CDHR3: variants seen among roughly 807,000 people sequenced by gnomAD.
CDHR3 encodes cadherin-related family member 3.
In CDHR3, 79 loss-of-function variants were observed where a neutral mutation model predicts 86.6. The ratio of observed to expected loss-of-function variants is 0.91; its 90% confidence interval spans 0.76 to 1.10. The LOEUF (loss-of-function observed/expected upper bound fraction) is 1.10, where lower values mean the gene tolerates loss of function less well. Ranked by LOEUF, CDHR3 falls within the 50% of genes least tolerant of loss-of-function variation. The pLI is 0.00. For missense variants in CDHR3, 1,081 were observed against 1,077.6 expected, an observed-to-expected ratio of 1.00 and a Z score of -0.04; for synonymous variants, 421 against 402.4, an observed-to-expected ratio of 1.05 and a Z score of -0.55.
At chr7:106,012,046 G>T (rs1834890372) in intron 8 of CDHR3, among the ~76,000 whole-genome samples, 1 of 152,184 alleles carries the variant, frequency 6.6e-6, no homozygotes. Flanking sequence ...AACTCCTTCA[G>T]GCAGGACGTA....
At chr7:105,986,158 A>T (rs1260923954) in intron 4 of CDHR3, among the ~76,000 whole-genome samples, 3 of 152,028 alleles carry the variant, frequency 2.0e-5, no homozygotes, top group Non-Finnish European at 4.4e-5. Flanking sequence ...GAAAACAAAA[A>T]CTCTCTTGGA....
rs756611741 is a variant in CDHR3, at chr7:105,984,232, C to A, written c.456C>A (p.Phe152Leu). 1.9e-6 allele frequency: 3 copies of A among 1,611,068 alleles called. No individual in the cohort carries two copies. The highest frequency in any genetic ancestry group is 1.7e-6 in the Non-Finnish European group (2 of 1,177,944). Residue 152 changes from phenylalanine to leucine, a missense_variant, in exon 4 of 19, where the codon TTC becomes TTA. Transcript: ENST00000317716. The part of the protein sequence containing the change: ...LYIVERANPG[F>L]IYQVEAFDPE... ...TAGTAGAAAGAGCAAACCCTGGATT[C>A]ATTTACCAGGTTGAGGCCTTCGATC...
chr7:106,002,501 A>T (rs1254813142), intron 7 of CDHR3, among the ~76,000 whole-genome samples: 1 of 152,120 alleles, frequency 6.6e-6, no homozygotes, highest in Non-Finnish European at 1.5e-5. Flanking sequence ...TAGGTAGGTT[A>T]CCTCTGGAAT....
chr7:106,021,074 T>C (rs957874524), intron 13 of CDHR3, among the ~76,000 whole-genome samples: 2 of 152,148 alleles, frequency 1.3e-5, no homozygotes, highest in African/African-American at 2.4e-5. Flanking sequence ...TGGATAATAA[T>C]AGATTAAATA....
intron 6 of CDHR3, among the ~76,000 whole-genome samples, chr7:106,000,312 T>A (rs1350566143): frequency 1.3e-5 from 2 of 152,210 alleles, no homozygotes; most frequent in African/African-American, 4.8e-5. Context: ...GGAGGAGCTC[T>A]GGTAGGGAGG....
At chr7:106,009,446 C>T (rs1375728501) in intron 8 of CDHR3, among the ~76,000 whole-genome samples, 1 of 152,234 alleles carries the variant, frequency 6.6e-6, no homozygotes, top group Non-Finnish European at 1.5e-5. Flanking sequence ...AGCACGCAAG[C>T]AGGTCAAAAC....
intron 1 of CDHR3, among the ~76,000 whole-genome samples, chr7:105,965,015 A>G (rs2727754): frequency 0.26 from 40,030 of 152,028 alleles, 5,943 homozygotes; most frequent in East Asian, 0.68. Flanking sequence ...CCAATTTCTT[A>G]TACTGAACAC....
chr7:105,980,787 A>G (rs1829620909), intron 2 of CDHR3, among the ~76,000 whole-genome samples, 181 bp from the exon 3 acceptor site: 1 of 151,984 alleles, frequency 6.6e-6, no homozygotes, highest in Non-Finnish European at 1.5e-5. Flanking sequence ...CCTTTAGTGA[A>G]GTATCATAGG....
At position 106,001,326 on chromosome 7, in the gene CDHR3, T is replaced by G. The variant is rs553769897; in HGVS notation, c.714-136T>G. The G allele has an allele frequency of 2.2e-4, 189 of 849,390 alleles. No individual in the cohort carries two copies. The South Asian group carries it at 3.2e-3, about 14-fold the overall frequency. 52.6% of individuals were successfully genotyped at this position (849,390 alleles called of 1,614,324 possible). On this transcript the variant is annotated intron_variant, in intron 6 of 18. Coordinates refer to ENST00000317716, the MANE Select transcript of CDHR3 (RefSeq NM_152750.5). ...CAGCCACCCCTCCTTTCCACTGCTG[T>G]GCTCTCCCTCTGAGCATGTTGATGC... is the stretch of plus-strand genomic sequence containing the variant.
chr7:105,980,821 A>T lies in CDHR3; in HGVS notation c.250-147A>T, dbSNP rs536049756. On this transcript the variant is annotated intron_variant, in intron 2 of 18. Transcript: ENST00000317716. The stretch of plus-strand genomic sequence containing the variant: ...GGGCTTATGTTGGAAGGACTAAGGC[A>T]AAACAACTGGTTCCTCTGACAGTGA... 6.5e-4 allele frequency: 475 copies of T among 727,718 alleles called. 1 individual carries two copies. The highest frequency in any genetic ancestry group is 9.5e-4 in the Non-Finnish European group (414 of 436,524). The allele number at this position is 727,718 out of a possible 1,614,324, so 45.1% of individuals were successfully genotyped here. A position where few individuals can be genotyped will look rare whatever the true frequency, so the allele number is the denominator to read the frequency against.
intron 2 of CDHR3, among the ~76,000 whole-genome samples, chr7:105,979,149 G>T (rs1252899940): frequency 6.6e-6 from 1 of 152,154 alleles, no homozygotes; most frequent in African/African-American, 2.4e-5. Flanking sequence ...AACCCAAAAA[G>T]TAGGTGTTAT....
intron 1 of CDHR3, among the ~76,000 whole-genome samples, chr7:105,966,919 T>A (rs1368988244): frequency 6.6e-6 from 1 of 151,824 alleles, no homozygotes; most frequent in Non-Finnish European, 1.5e-5. Flanking sequence ...TCTTGGTTTT[T>A]GCCATTGAAA....
chr7:106,020,416 G>A lies in CDHR3; in HGVS notation c.1697G>A (p.Cys566Tyr), dbSNP rs1836383480. The change falls in exon 13 of 19, where the codon TGT becomes TAT. Residue 566 changes from cysteine (C) to tyrosine (Y), a missense_variant. Coordinates refer to ENST00000317716, the MANE Select transcript of CDHR3 (RefSeq NM_152750.5). ...GAAGAAAATGATGAAAAGCCAATTT[G>A]TACTCCAAACTCTTATTTCCTGGCC... ...ILEENDEKPI[C>Y]TPNSYFLALP... 2.5e-6 allele frequency: 4 copies of A among 1,613,738 alleles called. No individual in the cohort carries two copies. In the South Asian group the frequency reaches 4.4e-5, roughly 18 times the overall value.
chr7:105,964,875 G>A (rs529829795), intron 1 of CDHR3, among the ~76,000 whole-genome samples: 1 of 152,274 alleles, frequency 6.6e-6, no homozygotes, highest in African/African-American at 2.4e-5. Flanking sequence ...AGTGGGCCAT[G>A]AGCAGTTCAG....
intron 3 of CDHR3, among the ~76,000 whole-genome samples, chr7:105,982,274 C>G (rs1320528093): frequency 6.6e-6 from 1 of 151,822 alleles, no homozygotes. Flanking sequence ...TGAGACCATC[C>G]TGGCTAACAT....
At position 105,984,300 on chromosome 7, in the gene CDHR3, T is replaced by C; in HGVS notation, c.513+11T>C. ...AACATTCCCCTCAGTGTAAGTGTCC[T>C]TATATGGAAGAGGTGGTGTTTGTCC... On this transcript the variant is annotated intron_variant, in intron 4 of 18. Transcript: ENST00000317716. 1 of 1,593,016 alleles carries C rather than the reference T, an allele frequency of 6.3e-7. No individual in the cohort carries two copies. The highest frequency in any genetic ancestry group is 8.6e-7 in the Non-Finnish European group (1 of 1,164,194).
At chr7:105,994,871 A>G (rs997116607) in intron 5 of CDHR3, 26 bp downstream of exon 5, 1 of 1,552,120 alleles carries the variant, frequency 6.4e-7, no homozygotes, top group Non-Finnish European at 8.8e-7. Flanking sequence ...ACCTTGCATG[A>G]AGTACTGTTT....
intron 3 of CDHR3, among the ~76,000 whole-genome samples, chr7:105,981,787 C>G (rs201324060): frequency 3.3e-5 from 5 of 152,282 alleles, no homozygotes; most frequent in East Asian, 1.9e-4. Flanking sequence ...CCTCCACCCC[C>G]ACCCAAATCT....
intron 7 of CDHR3, 125 bp downstream of exon 7, chr7:106,001,735 C>T: frequency 8.6e-7 from 1 of 1,156,410 alleles, no homozygotes; most frequent in Non-Finnish European, 1.2e-6. Flanking sequence ...TACCAAAATC[C>T]ACGTATGCTC....
Sources: gnomAD v4.1 joint callset for allele counts (sites outside exome capture counted in the v4.1 genomes callset) on GRCh38, gnomAD v4.1.1 for gene constraint, MANE v1.5 for transcripts, NCBI Gene and HGNC (gene_info 2026-07-23, HGNC 2026-07-21) for gene names.